The following PIK3R4 variants were observed in gnomAD, a reference collection of about 807,000 sequenced individuals.
PIK3R4 encodes the protein phosphoinositide-3-kinase regulatory subunit 4.
In PIK3R4, 46 loss-of-function variants were observed where a neutral mutation model predicts 136.5. The observed-to-expected ratio is 0.34, with a 90% CI of 0.27 to 0.43. PIK3R4 has a LOEUF of 0.43. Among genes scored for constraint, PIK3R4 ranks in the 20% least tolerant of loss-of-function variants. PIK3R4 has a pLI of 1.00. For missense variants in PIK3R4, 1,331 were observed against 1,649.5 expected (o/e 0.81, Z 3.35); for synonymous variants, 557 against 566.7 (o/e 0.98, Z 0.24).
In PIK3R4 at chr3:130,733,900, G is replaced by T; in HGVS notation, c.1098C>A (p.Ala366=). Residue 366 remains alanine (A), a synonymous_variant, in exon 4 of 20, where the codon GCC becomes GCA. Coordinates refer to ENST00000356763, the MANE Select transcript of PIK3R4 (RefSeq NM_014602.3). ...NLCGHDLPEK[A]EGEPKENGLV... is the part of the protein sequence containing the mutation. ...GCCCATTTTCCTTAGGCTCTCCTTC[G>T]GCTTTTTCTGGCAGATCATGTCCAC... The T allele has an allele frequency of 6.2e-7, 1 of 1,614,052 alleles. No homozygotes were observed. Among genetic ancestry groups the T allele is most frequent in the South Asian group, 1.1e-5 (1 of 91,076 alleles).
chr3:130,684,128 G>A, intron 16 of PIK3R4, 122 bp downstream of exon 16: 2 of 841,650 alleles, frequency 2.4e-6, no homozygotes, highest in Non-Finnish European at 3.8e-6. Flanking sequence ...TCCATAATCA[G>A]AAGACAATCA....
intron 6 of PIK3R4, among the ~76,000 whole-genome samples, chr3:130,724,919 C>T (rs2066723117): frequency 6.6e-6 from 1 of 151,794 alleles, no homozygotes; most frequent in Non-Finnish European, 1.5e-5. Flanking sequence ...CACCTGAAAA[C>T]ACTAAAATAA....
intron 6 of PIK3R4, 148 bp from the exon 7 acceptor site, chr3:130,723,735 TA>T: frequency 1.7e-6 from 1 of 579,354 alleles, no homozygotes; most frequent in African/African-American, 1.9e-5. Flanking sequence ...ATGATAAAGT[TA>T]AAAAGACCCA....
intron 7 of PIK3R4, among the ~76,000 whole-genome samples, chr3:130,721,035 T>C (rs1251622395): frequency 4.7e-5 from 7 of 150,114 alleles, no homozygotes; most frequent in Non-Finnish European, 1.0e-4. Flanking sequence ...AAACCCTGTG[T>C]CTTAAAAAAA....
Position 130,723,625 on chromosome 3 carries a change from C to G in PIK3R4, c.1808-38G>C, listed in dbSNP as rs952535985. The G allele has an allele frequency of 1.9e-6, 3 of 1,548,326 alleles. No individual in the cohort carries two copies. The African/African-American group carries it at 4.1e-5, about 21-fold the overall frequency. On this transcript the variant is annotated intron_variant, in intron 6 of 19. Coordinates refer to ENST00000356763, the MANE Select transcript of PIK3R4 (RefSeq NM_014602.3). ...AGCAATATTATGTGATTATTCAATA[C>G]CTAAAAGTACATATATCATTAAGTA...
chr3:130,744,901 C>T lies in PIK3R4; in HGVS notation c.318G>A (p.Val106=). Residue 106 remains valine, a synonymous_variant, in exon 2 of 20, where the codon GTG becomes GTA. Coordinates refer to ENST00000356763, the MANE Select transcript of PIK3R4 (RefSeq NM_014602.3). ...TGATGCGATCATAGAGATTGTCTCG[C>T]ACATACTGCCTAAAGAGCATAGCTG... ...EKAAMLFRQY[V]RDNLYDRIST... is the part of the protein sequence containing the mutation. 6.2e-7 allele frequency: 1 copy of T among 1,614,216 alleles called. No homozygotes were observed. Among genetic ancestry groups the T allele is most frequent in the Non-Finnish European group, 8.5e-7 (1 of 1,180,038 alleles).
Position 130,697,229 on chromosome 3 carries a change from C to G in PIK3R4, c.3098+6494G>C, listed in dbSNP as rs559160498. Among the ~76,000 whole-genome samples, 227 of 152,094 alleles carry G rather than the reference C, an allele frequency of 1.5e-3. 4 individuals carry two copies. The highest frequency in any genetic ancestry group is 5.8e-4 in the East Asian group (3 of 5,180). On this transcript the variant is annotated intron_variant, in intron 13 of 19. Coordinates refer to ENST00000356763, the MANE Select transcript of PIK3R4 (RefSeq NM_014602.3). Reference sequence around the variant, plus strand: ...GGACTACAGGCGTGTGCCACCACGCCTGGCAAAATTTTTTTGTATTTTTAG... The same window carrying G: ...GGACTACAGGCGTGTGCCACCACGCGTGGCAAAATTTTTTTGTATTTTTAG...
At chr3:130,733,512 A>G (rs2066769704) in intron 4 of PIK3R4, 36 bp downstream of exon 4, 1 of 1,376,452 alleles carries the variant, frequency 7.3e-7, no homozygotes, top group Middle Eastern at 1.8e-4. Context: ...CTTAAAAAAT[A>G]TCTAAGTGGC....
At chr3:130,742,268 TTGGTC>T (rs2066828210) in intron 2 of PIK3R4, among the ~76,000 whole-genome samples, 1 of 152,202 alleles carries the variant, frequency 6.6e-6, no homozygotes, top group Non-Finnish European at 1.5e-5. Context: ...GTAAGGCTCT[TTGGTC>T]TGGAAAAATA....
At chr3:130,717,049 T>C (rs1250073412) in intron 8 of PIK3R4, among the ~76,000 whole-genome samples, 2 of 152,226 alleles carry the variant, frequency 1.3e-5, no homozygotes, top group Non-Finnish European at 2.9e-5. Flanking sequence ...GCTATCTCCA[T>C]AGTGTTTATA....
chr3:130,739,858 CCTA>C (rs2066810762), intron 2 of PIK3R4, among the ~76,000 whole-genome samples: 1 of 152,120 alleles, frequency 6.6e-6, no homozygotes, highest in African/African-American at 2.4e-5. Flanking sequence ...ATGCAGTATT[CCTA>C]CTAAGTTATA....
At chr3:130,705,481 T>C in intron 12 of PIK3R4, 80 bp downstream of exon 12, 2 of 881,020 alleles carry the variant, frequency 2.3e-6, no homozygotes, top group Admixed American at 2.2e-5. Context: ...TGTCTGGTAG[T>C]TAAGTATTCA....
Position 130,721,329 on chromosome 3 carries a change from T to G in PIK3R4, c.1981+2085A>C, listed in dbSNP as rs866251052. On this transcript the variant is annotated intron_variant, in intron 7 of 19. Transcript: ENST00000356763. Reference sequence around the variant, plus strand: ...TCCAGCCTGGGTGAAAGAGCGAGACTCCGTCTCAAAAAAAAAAAAAAAAAA... The same window carrying G: ...TCCAGCCTGGGTGAAAGAGCGAGACGCCGTCTCAAAAAAAAAAAAAAAAAA... Among the ~76,000 whole-genome samples, 18 of 138,412 alleles carry G rather than the reference T, an allele frequency of 1.3e-4. 1 individual carries two copies. In the Middle Eastern group the frequency reaches 0.033, roughly 252 times the overall value. The allele number at this position is 138,412 out of a possible 152,430, so 90.8% of individuals were successfully genotyped here. A position where few individuals can be genotyped will look rare whatever the true frequency, so the allele number is the denominator to read the frequency against.
At chr3:130,726,142 T>C (rs2066730208) in intron 6 of PIK3R4, among the ~76,000 whole-genome samples, 1 of 150,296 alleles carries the variant, frequency 6.7e-6, no homozygotes, top group Admixed American at 6.6e-5. Flanking sequence ...AATATATAGA[T>C]TATCTATATA....
chr3:130,689,135 T>G (rs1187504964), intron 14 of PIK3R4, among the ~76,000 whole-genome samples: 2 of 152,232 alleles, frequency 1.3e-5, no homozygotes, highest in Non-Finnish European at 2.9e-5. Context: ...TATGGCAAAG[T>G]TTCTTTGAAG....
At position 130,705,727 on chromosome 3, in the gene PIK3R4, C is replaced by A. The variant is rs543155374; in HGVS notation, c.2766G>T (p.Pro922=). The change falls in exon 12 of 20, where the codon CCG becomes CCT. Residue 922 remains proline, a synonymous_variant. Transcript: ENST00000356763. The stretch of plus-strand genomic sequence containing the variant: ...ATGGTAAGATTGTACTACTTAAAAC[C>A]GGTATTACTGGTTTTTTATTTTGGA... ...TTVQNKKPVI[P]VLSSTILPST... 357 of 1,612,004 alleles carry A rather than the reference C, an allele frequency of 2.2e-4. 6 individuals are homozygous for A. The South Asian group carries it at 3.5e-3, about 16-fold the overall frequency.
At chr3:130,691,931 G>A (rs1356725419) in intron 13 of PIK3R4, among the ~76,000 whole-genome samples, 2 of 138,674 alleles carry the variant, frequency 1.4e-5, no homozygotes, top group East Asian at 4.4e-4. Flanking sequence ...CTGGAGTGCA[G>A]TGGTGCGATC....
chr3:130,700,395 T>C (rs931563485), intron 13 of PIK3R4, among the ~76,000 whole-genome samples: 2 of 152,140 alleles, frequency 1.3e-5, no homozygotes, highest in Non-Finnish European at 2.9e-5. Flanking sequence ...TCCCCTAAAA[T>C]TGAGAAGCTG....
At chr3:130,705,842 T>C (rs1241110337) in intron 11 of PIK3R4, 71 bp from the exon 12 acceptor site, 2 of 791,828 alleles carry the variant, frequency 2.5e-6, no homozygotes, top group Admixed American at 2.6e-5. Context: ...AGTGTATGCA[T>C]GTTTTTATCT....
Sources: gnomAD v4.1 joint callset for allele counts (sites outside exome capture counted in the v4.1 genomes callset) on GRCh38, gnomAD v4.1.1 for gene constraint, MANE v1.5 for transcripts, NCBI Gene and HGNC (gene_info 2026-07-23, HGNC 2026-07-21) for gene names.